Variants in LAMB1 observed in about 807,000 individuals in gnomAD.
LAMB1 encodes the protein laminin subunit beta-1.
In LAMB1, 121 loss-of-function variants were observed where a neutral mutation model predicts 222.3. The ratio of observed to expected loss-of-function variants is 0.54; its 90% CI spans 0.47 to 0.63. LAMB1 has a LOEUF of 0.63. Among genes scored for constraint, LAMB1 ranks in the 30% least tolerant of loss-of-function variants. The pLI, the probability that LAMB1 is intolerant of heterozygous loss-of-function variation, is 0.00. For missense variants in LAMB1, 2,172 were observed against 2,240.8 expected, an observed-to-expected ratio of 0.97 and a Z score of 0.62; for synonymous variants, 794 against 807.2, an observed-to-expected ratio of 0.98 and a Z score of 0.28.
At chr7:108,002,045 A>C in intron 2 of LAMB1, 1 of 1,444,672 alleles carries the variant, frequency 6.9e-7, no homozygotes, top group Non-Finnish European at 9.1e-7. Context: ...AGCTCCCCCA[A>C]CAAAGGGTGG....
chr7:108,001,797 G>T lies in LAMB1; in HGVS notation c.38-64C>A. 4 of 1,588,736 alleles carry T rather than the reference G, an allele frequency of 2.5e-6. No individual in the cohort carries two copies. The South Asian group carries it at 4.5e-5, about 18-fold the overall frequency. ...GCAGGGAGTGGAGCCCGAAAAAAAC[G>T]AACAAGCGGGGGCGGGGGAGTGGGT... On this transcript the variant is annotated intron_variant, in intron 2 of 33. Transcript: ENST00000222399.
intron 11 of LAMB1, 39 bp downstream of exon 11, chr7:107,975,195 C>A: frequency 6.3e-7 from 1 of 1,587,188 alleles, no homozygotes; most frequent in Non-Finnish European, 8.6e-7. Flanking sequence ...GAATTTCAAA[C>A]ACAAGAAAAC....
intron 24 of LAMB1, among the ~76,000 whole-genome samples, chr7:107,947,566 C>T (rs1416661757): frequency 3.3e-5 from 5 of 152,214 alleles, no homozygotes; most frequent in African/African-American, 9.6e-5. Context: ...GCCTCTGCAT[C>T]TTGGCCCCTG....
chr7:107,928,365 T>A (rs73725010), intron 31 of LAMB1, among the ~76,000 whole-genome samples: 3,003 of 152,328 alleles, frequency 0.02, 102 homozygotes, highest in African/African-American at 0.068. Context: ...TAGTAAAATG[T>A]TTGATGACCA....
In LAMB1 at chr7:107,953,833, G is replaced by C. The variant is rs575759112; in HGVS notation, c.2855-79C>G. 85 of 1,239,298 alleles carry C rather than the reference G, an allele frequency of 6.9e-5. No individual in the cohort carries two copies. The South Asian group carries it at 1.0e-3, about 15-fold the overall frequency. The allele number at this position is 1,239,298 out of a possible 1,614,324, so 76.8% of individuals were successfully genotyped here. On this transcript the variant is annotated intron_variant, in intron 21 of 33. Transcript: ENST00000222399. ...ACCAGTGCACCGACACTCATGCCTAGAGAGAGCTGATCGTGGCGGTGCTTC... is the reference window on the plus strand; with the variant it reads ...ACCAGTGCACCGACACTCATGCCTACAGAGAGCTGATCGTGGCGGTGCTTC...
intron 13 of LAMB1, among the ~76,000 whole-genome samples, chr7:107,967,029 C>T (rs1484596308): frequency 6.6e-6 from 1 of 152,204 alleles, no homozygotes; most frequent in Non-Finnish European, 1.5e-5. Context: ...TCTCAGCACC[C>T]AGCAGGTGGC....
At chr7:107,942,795 C>A (rs186232726) in intron 24 of LAMB1, 1 of 152,122 alleles carries the variant, frequency 6.6e-6, no homozygotes, top group Admixed American at 6.5e-5. Flanking sequence ...GATGCTTGAT[C>A]GTATTTCCAT....
chr7:107,961,453 G>A (rs2033498689), intron 16 of LAMB1, 96 bp downstream of exon 16: 1 of 1,574,142 alleles, frequency 6.4e-7, no homozygotes, highest in Non-Finnish European at 8.7e-7. Flanking sequence ...GTCAACGTCT[G>A]GCTCTGAAAT....
intron 13 of LAMB1, among the ~76,000 whole-genome samples, chr7:107,966,252 C>T (rs1370423035): frequency 1.3e-5 from 2 of 151,856 alleles, no homozygotes; most frequent in Non-Finnish European, 2.9e-5. Context: ...GCACTGTCGC[C>T]CACGCTGGAG....
intron 10 of LAMB1, 100 bp from the exon 11 acceptor site, chr7:107,975,513 G>A (rs1224814380): frequency 1.5e-6 from 2 of 1,326,730 alleles, no homozygotes; most frequent in East Asian, 2.5e-5. Flanking sequence ...TCTCACAAAA[G>A]TCGACTAAAA....
chr7:107,928,232 T>A (rs1005060874), intron 31 of LAMB1, among the ~76,000 whole-genome samples: 1 of 152,176 alleles, frequency 6.6e-6, no homozygotes, highest in African/African-American at 2.4e-5. Flanking sequence ...ATAAAAAACA[T>A]TAAGTTTTCC....
intron 25 of LAMB1, among the ~76,000 whole-genome samples, chr7:107,937,658 A>G (rs903240824): frequency 2.6e-5 from 4 of 152,174 alleles, no homozygotes; most frequent in African/African-American, 9.7e-5. Flanking sequence ...CAGTTATACA[A>G]TTAGGCCTCC....
At chr7:107,970,526 C>CA (rs2033728146) in intron 13 of LAMB1, among the ~76,000 whole-genome samples, 1 of 149,748 alleles carries the variant, frequency 6.7e-6, no homozygotes, top group Non-Finnish European at 1.5e-5. Flanking sequence ...GGCTTCAAGC[C>CA]AGATATGAAA....
chr7:107,942,976 AT>A (rs2033027173), intron 24 of LAMB1, among the ~76,000 whole-genome samples: 1 of 152,204 alleles, frequency 6.6e-6, no homozygotes, highest in African/African-American at 2.4e-5. Flanking sequence ...AGACCTTAGG[AT>A]TTCAAAAGTA....
Position 108,002,145 on chromosome 7 carries a change from G to A in LAMB1, c.38-412C>T, listed in dbSNP as rs866152707. Reference sequence around the variant, plus strand: ...CACACACCCACGCACGTGAACCCGCGTGCACGCGGCAGCCCGCGCATCCTC... The same window carrying A: ...CACACACCCACGCACGTGAACCCGCATGCACGCGGCAGCCCGCGCATCCTC... On this transcript the variant is annotated intron_variant, in intron 2 of 33. Coordinates refer to ENST00000222399, the MANE Select transcript of LAMB1 (RefSeq NM_002291.3). 1.0e-5 allele frequency: 15 copies of A among 1,458,658 alleles called. No individual in the cohort carries two copies. The African/African-American group carries it at 1.1e-4, about 11-fold the overall frequency. The allele number at this position is 1,458,658 out of a possible 1,614,324, so 90.4% of individuals were successfully genotyped here. A position where few individuals can be genotyped will look rare whatever the true frequency, so the allele number is the denominator to read the frequency against.
At chr7:107,965,726 T>A (rs2033621312) in intron 13 of LAMB1, among the ~76,000 whole-genome samples, 1 of 152,212 alleles carries the variant, frequency 6.6e-6, no homozygotes, top group Admixed American at 6.5e-5. Flanking sequence ...TCTTTCTTTT[T>A]TTCTCATCCC....
At chr7:108,001,281 A>T (rs1039786726) in intron 3 of LAMB1, among the ~76,000 whole-genome samples, 1 of 152,248 alleles carries the variant, frequency 6.6e-6, no homozygotes, top group African/African-American at 2.4e-5. Flanking sequence ...ACACACACAC[A>T]ATCAGGCCTT....
At chr7:107,985,974 C>CA (rs1270985006) in intron 7 of LAMB1, 48 bp downstream of exon 7, 9 of 1,432,624 alleles carry the variant, frequency 6.3e-6, no homozygotes, top group African/African-American at 1.4e-5. Context: ...CAAAACAAAA[C>CA]AAACAAACAA....
At chr7:107,933,616 A>G (rs978513083) in intron 27 of LAMB1, among the ~76,000 whole-genome samples, 2 of 151,968 alleles carry the variant, frequency 1.3e-5, no homozygotes, top group South Asian at 2.1e-4. Flanking sequence ...AAAAAAAAAC[A>G]CAGTATGGCT....
Sources: gnomAD v4.1 joint callset for allele counts (sites outside exome capture counted in the v4.1 genomes callset) on GRCh38, gnomAD v4.1.1 for gene constraint, MANE v1.5 for transcripts, NCBI Gene and HGNC (gene_info 2026-07-23, HGNC 2026-07-21) for gene names.